The following PTGES3L variants were observed in gnomAD, a reference collection of about 807,000 sequenced individuals.
PTGES3L encodes putative protein PTGES3L.
In PTGES3L, 17 loss-of-function variants were observed where a neutral mutation model predicts 25.0. The observed-to-expected ratio is 0.68, with a 90% confidence interval of 0.47 to 1.02. The LOEUF is 1.02. Ranked by LOEUF, PTGES3L falls within the 50% of genes least tolerant of loss-of-function variation. The probability of loss-of-function intolerance (pLI) is 0.00; values close to 1 mark genes in which losing one functional copy is unlikely to be tolerated. For synonymous variants in PTGES3L, 59 were observed against 65.7 expected (o/e 0.90, Z 0.50); for missense variants, 202 against 197.5 (o/e 1.02, Z -0.14).
chr17:42,970,680 ACACACACACAC>A (rs2049819618), intron 5 of PTGES3L, among the ~76,000 whole-genome samples: 1 of 29,054 alleles, frequency 3.4e-5, no homozygotes, highest in Non-Finnish European at 1.2e-4. Context: ...ACACGCGCAC[ACACACACACAC>A]ACACACACAC....
chr17:42,973,192 G>C (rs1311258267), intron 4 of PTGES3L, among the ~76,000 whole-genome samples: 36 of 54,382 alleles, frequency 6.6e-4, no homozygotes, highest in African/African-American at 2.2e-3. Context: ...GAGGGAGGTG[G>C]GGGGGGGTCA....
chr17:42,978,408 A>T (rs543337930), intron 4 of PTGES3L, among the ~76,000 whole-genome samples: 3 of 152,280 alleles, frequency 2.0e-5, no homozygotes, highest in African/African-American at 7.2e-5. Context: ...AATCCATCTC[A>T]CACAAACACA....
intron 4 of PTGES3L, among the ~76,000 whole-genome samples, chr17:42,976,581 T>C (rs2049958773): frequency 6.6e-6 from 1 of 152,116 alleles, no homozygotes; most frequent in Non-Finnish European, 1.5e-5. Flanking sequence ...CGTTTCACTA[T>C]GTTGTCTGGG....
intron 4 of PTGES3L, among the ~76,000 whole-genome samples, chr17:42,975,926 C>T (rs34549248): frequency 0.12 from 18,840 of 152,048 alleles, 1,667 homozygotes; most frequent in African/African-American, 0.24. Flanking sequence ...CTGCCTGCCT[C>T]GGCCTTCCAA....
intron 1 of PTGES3L, 172 bp downstream of exon 1, chr17:42,979,874 T>G: frequency 6.9e-7 from 1 of 1,444,000 alleles, no homozygotes; most frequent in Non-Finnish European, 9.1e-7. Flanking sequence ...ACTAGGAAAC[T>G]AGGAGGTCAG....
At chr17:42,978,483 A>C (rs1361151888) in intron 4 of PTGES3L, among the ~76,000 whole-genome samples, 1 of 152,222 alleles carries the variant, frequency 6.6e-6, no homozygotes, top group African/African-American at 2.4e-5. Context: ...TGTTCATAGC[A>C]GTGCCAATAT....
In PTGES3L at chr17:42,971,641, T is replaced by C. The variant is rs1367637369; in HGVS notation, c.344A>G (p.Glu115Gly). Residue 115 changes from glutamate (E) to glycine (G), a missense_variant, in exon 5 of 7, where the codon GAG becomes GGG. Glu to Gly is a moderately conservative substitution (Grantham distance 98, BLOSUM62 -2). Coordinates refer to ENST00000591916, the MANE Select transcript of PTGES3L (RefSeq NM_001261430.2). ...ATGTTCCACATGAGCCAGCTCCATC[T>C]CTTCATCCCCTTCCCAGTCTCTCCA... is the stretch of plus-strand genomic sequence containing the variant. ...DNWRDWEGDE[E>G]MELAHVEHYA... 2 of 1,613,962 alleles carry C rather than the reference T, an allele frequency of 1.2e-6. No homozygotes were observed. The highest frequency in any genetic ancestry group is 1.7e-6 in the Non-Finnish European group (2 of 1,180,010).
Position 42,979,639 on chromosome 17 carries a change from G to C in PTGES3L, c.33C>G (p.Tyr11Ter). 1.2e-6 allele frequency: 2 copies of C among 1,614,098 alleles called. No homozygotes were observed. The highest frequency in any genetic ancestry group is 1.1e-5 in the South Asian group (1 of 91,086). Residue 11 changes from tyrosine to a stop codon, truncating the protein, a stop_gained, in exon 2 of 7, where the codon TAC becomes TAG. Coordinates refer to ENST00000591916, the MANE Select transcript of PTGES3L (RefSeq NM_001261430.2). LOFTEE classifies it high-confidence loss of function. ...CCATGAACACATACCTGGGCCTGTCGTACCACAAGGTCCGGGCGTGCTGCC... is the reference window on the plus strand; with the variant it reads ...CCATGAACACATACCTGGGCCTGTCCTACCACAAGGTCCGGGCGTGCTGCC... The part of the protein sequence containing the change: MARQHARTLW[Y>*]DRPRYVFMEF...
chr17:42,972,739 G>A (rs1314557619), intron 4 of PTGES3L, among the ~76,000 whole-genome samples: 1 of 151,666 alleles, frequency 6.6e-6, no homozygotes, highest in Non-Finnish European at 1.5e-5. Context: ...CTGCCCGGCC[G>A]CCACCCCGTC....
chr17:42,972,411 T>A (rs2049860100), intron 4 of PTGES3L, among the ~76,000 whole-genome samples: 1 of 138,138 alleles, frequency 7.2e-6, no homozygotes, highest in South Asian at 2.6e-4. Flanking sequence ...TGCTGCCATC[T>A]CGGCTCACTG....
At chr17:42,972,103 G>A (rs975397457) in intron 4 of PTGES3L, 3 of 178,602 alleles carry the variant, frequency 1.7e-5, no homozygotes, top group Admixed American at 6.0e-5. Flanking sequence ...CAGGAGAATT[G>A]CTTGAGCCTG....
chr17:42,971,361 T>TC (rs1387964249), intron 5 of PTGES3L, among the ~76,000 whole-genome samples: 1 of 152,022 alleles, frequency 6.6e-6, no homozygotes, highest in Admixed American at 6.6e-5. Flanking sequence ...GTCAAACTTC[T>TC]TCAGAATACA....
At chr17:42,976,087 A>G (rs904673747) in intron 4 of PTGES3L, among the ~76,000 whole-genome samples, 2 of 151,958 alleles carry the variant, frequency 1.3e-5, no homozygotes, top group Non-Finnish European at 2.9e-5. Context: ...GGTTCAAGCA[A>G]TTCTCCCGCC....
chr17:42,971,693 C>A lies in PTGES3L; in HGVS notation c.292G>T (p.Val98Leu). 6.2e-7 allele frequency: 1 copy of A among 1,614,034 alleles called. No homozygotes were observed. Among genetic ancestry groups the A allele is most frequent in the Non-Finnish European group, 8.5e-7 (1 of 1,179,954 alleles). ...TTATCAAAGTCCACAGACAGCCACACTGGCTGCAAGAAGAGGCACCAAGAG... is the reference window on the plus strand; with the variant it reads ...TTATCAAAGTCCACAGACAGCCACAATGGCTGCAAGAAGAGGCACCAAGAG... ...PRLTKEDIKP[V>L]WLSVDFDNWR... Residue 98 changes from valine to leucine, a missense_variant, in exon 5 of 7, where the codon GTG (valine) becomes TTG (leucine). Physicochemically the swap from Val to Leu is conservative, Grantham distance 32 (BLOSUM62 1). Coordinates refer to ENST00000591916, the MANE Select transcript of PTGES3L (RefSeq NM_001261430.2).
chr17:42,976,675 C>T lies in PTGES3L; in HGVS notation c.288+2495G>A, dbSNP rs150329187. Reference sequence around the variant, plus strand: ...GATTACAGGCGTGAGCCACCACACCCGGCCTTAAAATAATTTTTGACACTG... The same window carrying T: ...GATTACAGGCGTGAGCCACCACACCTGGCCTTAAAATAATTTTTGACACTG... On this transcript the variant is annotated intron_variant, in intron 4 of 6. Transcript: ENST00000591916. Among the ~76,000 whole-genome samples, 15 of 152,194 alleles carry T rather than the reference C, an allele frequency of 9.9e-5. No individual in the cohort carries two copies. In the East Asian group the frequency reaches 1.2e-3, roughly 12 times the overall value.
chr17:42,979,450 G>A lies in PTGES3L; in HGVS notation c.123-6C>T, dbSNP rs1324001558. On this transcript the variant is annotated splice_region_variant and splice_polypyrimidine_tract_variant and intron_variant, in intron 2 of 6. Transcript: ENST00000591916. ...CTCCATCGGCATTCTTGCAGCTGAG[G>A]AGACAATGAAGCTGAGGAGATGCGG... 1 of 1,614,198 alleles carries A rather than the reference G, an allele frequency of 6.2e-7. No homozygotes were observed. Among genetic ancestry groups the A allele is most frequent in the Non-Finnish European group, 8.5e-7 (1 of 1,180,034 alleles).
intron 4 of PTGES3L, among the ~76,000 whole-genome samples, chr17:42,974,879 A>C (rs1043646459): frequency 6.6e-6 from 1 of 152,006 alleles, no homozygotes; most frequent in African/African-American, 2.4e-5. Flanking sequence ...TATCACTTAT[A>C]ATCACAGCAC....
rs1366335909 is a variant in PTGES3L, at chr17:42,979,552, G to A, written c.120C>T (p.Phe40=). The A allele has an allele frequency of 1.9e-6, 3 of 1,614,066 alleles. No individual in the cohort carries two copies. The African/African-American group carries it at 4.0e-5, about 22-fold the overall frequency. The change falls in exon 2 of 7, where the codon TTC becomes TTT. Residue 40 remains phenylalanine (F), a splice_region_variant and synonymous_variant. Coordinates refer to ENST00000591916, the MANE Select transcript of PTGES3L (RefSeq NM_001261430.2). ...HVLIEDHRIV[F]SCKNADGVEL... ...CCCTCGGACGGCAGGGCCACTACCT[G>A]AACACAATGCGGTGATCCTCAATAA...
chr17:42,973,929 C>A (rs1288264022), intron 4 of PTGES3L, among the ~76,000 whole-genome samples: 1 of 140,096 alleles, frequency 7.1e-6, no homozygotes, highest in Non-Finnish European at 1.5e-5. Context: ...GACCTTCCCT[C>A]CACTATTGTC....
Sources: gnomAD v4.1 joint callset for allele counts (sites outside exome capture counted in the v4.1 genomes callset) on GRCh38, gnomAD v4.1.1 for gene constraint, MANE v1.5 for transcripts, NCBI Gene and HGNC (gene_info 2026-07-23, HGNC 2026-07-21) for gene names.